GATA4: variants seen among roughly 807,000 people sequenced by gnomAD.
GATA4 encodes transcription factor GATA-4.
A neutral mutation model predicts 37.9 loss-of-function variants in GATA4; 7 were observed. The ratio of observed to expected loss-of-function variants is 0.18; its 90% CI spans 0.11 to 0.35. The LOEUF (loss-of-function observed/expected upper bound fraction) is 0.35, where lower values mean the gene tolerates loss of function less well. GATA4 is among the 10% of genes least tolerant of loss of function. GATA4 has a pLI of 1.00. For missense variants in GATA4, 647 were observed against 653.0 expected (o/e 0.99, Z 0.10); for synonymous variants, 372 against 292.6 (o/e 1.27, Z -2.77).
intron 1 of GATA4, chr8:11,681,204 GA>G: frequency 1.0e-6 from 1 of 985,408 alleles, no homozygotes; most frequent in Non-Finnish European, 1.2e-6. Context: ...GCCCGCGCGG[GA>G]TCTGGAGGCA....
chr8:11,702,216 C>T (rs1369267086), upstream of GATA4, among the ~76,000 whole-genome samples: 3 of 152,202 alleles, frequency 2.0e-5, no homozygotes, highest in Admixed American at 1.3e-4. The surrounding 1 kb of genome is among the most constrained non-coding windows in gnomAD (Gnocchi z 4.4). Flanking sequence ...GGCACCCCGC[C>T]AGACACTAAG....
rs554252075 is a variant in GATA4 at position 11,716,142 on chromosome 8, C to T, written c.616+7214C>T. On this transcript the variant is annotated intron_variant, in intron 2 of 6. Transcript: ENST00000532059. ...TGGATGGACACCTGAGTTGCTTCTC[C>T]GTCTTGGCTACTGTGAATAATGCTG... Among the ~76,000 whole-genome samples the T allele has an allele frequency of 4.6e-5, 7 of 152,206 alleles. No individual in the cohort carries two copies. In the South Asian group the frequency reaches 1.5e-3, roughly 32 times the overall value.
chr8:11,747,894 A>G (rs745657320), intron 2 of GATA4, among the ~76,000 whole-genome samples: 2 of 152,214 alleles, frequency 1.3e-5, no homozygotes, highest in Non-Finnish European at 2.9e-5. Context: ...CAAACGACCC[A>G]CACAGACTCA....
rs1340157201 is a variant in GATA4 at position 11,709,686 on chromosome 8, G to T, written c.616+758G>T. On this transcript the variant is annotated intron_variant, in intron 2 of 6. Coordinates refer to ENST00000532059, the MANE Select transcript of GATA4 (RefSeq NM_001308093.3). This position sits in a 1 kb window ranked among gnomAD's most constrained non-coding sequence, Gnocchi z 4.3. Reference sequence around the variant, plus strand: ...GACTTTGCAGTCGCTTGCACGCGTGGAGCCTCCTCTTCTCGCGTGGGCCAG... The same window carrying T: ...GACTTTGCAGTCGCTTGCACGCGTGTAGCCTCCTCTTCTCGCGTGGGCCAG... Among the ~76,000 whole-genome samples the T allele has an allele frequency of 6.6e-6, 1 of 152,162 alleles. No individual in the cohort carries two copies. Among genetic ancestry groups the T allele is most frequent in the Non-Finnish European group, 1.5e-5 (1 of 68,034 alleles).
At chr8:11,737,139 T>A (rs1193773207) in intron 2 of GATA4, among the ~76,000 whole-genome samples, 1 of 151,850 alleles carries the variant, frequency 6.6e-6, no homozygotes, top group African/African-American at 2.4e-5. Flanking sequence ...GATTAAGTAA[T>A]CCCCCAGACA....
chr8:11,754,729 T>C (rs1802466661), intron 4 of GATA4, among the ~76,000 whole-genome samples: 1 of 152,228 alleles, frequency 6.6e-6, no homozygotes, highest in Non-Finnish European at 1.5e-5. Context: ...CTCTGTCTTT[T>C]TACATCACCG....
upstream of GATA4, among the ~76,000 whole-genome samples, chr8:11,701,077 C>G (rs1799659008): frequency 6.6e-6 from 1 of 152,134 alleles, no homozygotes; most frequent in Admixed American, 6.5e-5. Flanking sequence ...CAATTTGCCT[C>G]TTCTGGGGTA....
upstream of GATA4, among the ~76,000 whole-genome samples, chr8:11,689,548 A>C (rs548260722): frequency 1.1e-4 from 16 of 152,356 alleles, no homozygotes; most frequent in Admixed American, 8.5e-4. Flanking sequence ...CAAGACCATT[A>C]GGAAGATATT....
At chr8:11,715,115 A>G (rs1490433517) in intron 2 of GATA4, among the ~76,000 whole-genome samples, 2 of 152,260 alleles carry the variant, frequency 1.3e-5, no homozygotes, top group African/African-American at 4.8e-5. Flanking sequence ...GAAGTTCATT[A>G]TCTAATGTAT....
intron 4 of GATA4, among the ~76,000 whole-genome samples, chr8:11,750,786 A>AG (rs1420345318): frequency 1.3e-5 from 2 of 150,264 alleles, no homozygotes; most frequent in African/African-American, 4.9e-5. Context: ...AAAAAAAAAA[A>AG]AAAAAAAAAA....
At chr8:11,720,387 G>C (rs903631447) in intron 2 of GATA4, among the ~76,000 whole-genome samples, 2 of 151,928 alleles carry the variant, frequency 1.3e-5, no homozygotes, top group East Asian at 3.9e-4. Flanking sequence ...AGGTTTCCAC[G>C]GCTGCCTGCC....
At position 11,749,584 on chromosome 8, in the gene GATA4, G is replaced by A. The variant is rs1165777926; in HGVS notation, c.786+499G>A. On this transcript the variant is annotated intron_variant, in intron 3 of 6. Transcript: ENST00000532059. This position sits in a 1 kb window ranked among gnomAD's most constrained non-coding sequence, Gnocchi z 4.6. Reference sequence around the variant, plus strand: ...GTTTGGGCCTGGGGCTTGGCTCCTGGCTTCCTGCTCCTTTTTAATATAATT... The same window carrying A: ...GTTTGGGCCTGGGGCTTGGCTCCTGACTTCCTGCTCCTTTTTAATATAATT... Among the ~76,000 whole-genome samples the A allele has an allele frequency of 6.6e-6, 1 of 152,198 alleles. No individual in the cohort carries two copies. Among genetic ancestry groups the A allele is most frequent in the Non-Finnish European group, 1.5e-5 (1 of 68,036 alleles).
intron 2 of GATA4, among the ~76,000 whole-genome samples, chr8:11,724,423 C>T (rs1440049867): frequency 1.3e-5 from 2 of 152,230 alleles, no homozygotes; most frequent in African/African-American, 2.4e-5. Flanking sequence ...TTATATCCTT[C>T]ATGGCATCTT....
intron 1 of GATA4, chr8:11,697,803 C>T (rs1799549638): frequency 1.0e-6 from 1 of 985,350 alleles, no homozygotes; most frequent in Non-Finnish European, 1.2e-6. Flanking sequence ...GGGGCGAGGG[C>T]AAGGGTGCCG....
chr8:11,679,588 G>A (rs904874044), intron 1 of GATA4, among the ~76,000 whole-genome samples: 2 of 152,234 alleles, frequency 1.3e-5, no homozygotes, highest in African/African-American at 2.4e-5. Flanking sequence ...CAGCCGGGGA[G>A]AGGAGCTGGG....
intron 2 of GATA4, among the ~76,000 whole-genome samples, chr8:11,745,636 A>T (rs1442715821): frequency 6.6e-6 from 1 of 151,858 alleles, no homozygotes; most frequent in Non-Finnish European, 1.5e-5. Context: ...GAAAAAAAAG[A>T]CTCCATTCCT....
chr8:11,677,258 C>A lies in GATA4; in HGVS notation c.-274+195C>A, dbSNP rs563021594. ...CTGTGGAGAGGCTTTGAGGCCTTTG[C>A]GGACAGGAAGGAAGGATGAGGCTCT... On this transcript the variant is annotated intron_variant, in intron 1 of 6. Coordinates refer to the GATA4 transcript ENST00000528712. Among the ~76,000 whole-genome samples the A allele has an allele frequency of 2.0e-5, 3 of 152,286 alleles. No homozygotes were observed. In the South Asian group the frequency reaches 6.2e-4, roughly 32 times the overall value.
chr8:11,753,078 G>A (rs1187369434), intron 4 of GATA4, among the ~76,000 whole-genome samples: 1 of 152,102 alleles, frequency 6.6e-6, no homozygotes, highest in Non-Finnish European at 1.5e-5. Flanking sequence ...ATAATTAAAG[G>A]CAGGGCCTCA....
At chr8:11,753,615 C>T (rs1017718790) in intron 4 of GATA4, among the ~76,000 whole-genome samples, 1 of 151,786 alleles carries the variant, frequency 6.6e-6, no homozygotes, top group Admixed American at 6.6e-5. Flanking sequence ...GGAGGACACC[C>T]TTCCACAAGG....
Sources: allele counts gnomAD v4.1 joint callset (sites outside exome capture counted in the v4.1 genomes callset), GRCh38; gene constraint gnomAD v4.1.1; non-coding constraint Gnocchi (gnomAD v3.1); transcripts MANE v1.5; gene names NCBI Gene and HGNC (gene_info 2026-07-23, HGNC 2026-07-21).